Variants in DCDC1 observed in about 807,000 individuals in gnomAD.
DCDC1 encodes the protein doublecortin domain-containing protein 1.
DCDC1 carries 200 observed loss-of-function variants against 178.3 expected under a neutral mutation model. That is an observed-to-expected ratio of 1.12 (90% CI 1.00 to 1.26). The LOEUF (loss-of-function observed/expected upper bound fraction) is 1.26, where lower values mean the gene tolerates loss of function less well. Ranked by LOEUF, DCDC1 falls within the 50% of genes most tolerant of loss-of-function variation. DCDC1 has a pLI of 0.00. For synonymous variants in DCDC1, 690 were observed against 604.8 expected (o/e 1.14, Z -2.07); for missense variants, 1,983 against 1,749.2 (o/e 1.13, Z -2.38).
intron 1 of DCDC1, among the ~76,000 whole-genome samples, chr11:31,358,099 T>C (rs1238834649): frequency 4.7e-5 from 7 of 150,348 alleles, no homozygotes; most frequent in African/African-American, 1.7e-4. Context: ...TTAAAGTTCA[T>C]ATGGAACCAA....
chr11:31,103,673 A>ACCT lies in DCDC1; in HGVS notation c.1847_1848insAGG (p.Pro616_Asn617insGly). 1 of 765,184 alleles carries ACCT rather than the reference A, an allele frequency of 1.3e-6. No homozygotes were observed. Among genetic ancestry groups the ACCT allele is most frequent in the Non-Finnish European group, 2.4e-6 (1 of 417,518 alleles). 47.4% of individuals were successfully genotyped at this position (765,184 alleles called of 1,614,324 possible). ...CACATCCAGGTAGCAGAACAGCATT[A>ACCT]GGATCCAAAAAGGTCTTATATGCAA... On this transcript the variant is annotated inframe_insertion, in exon 14 of 39. Coordinates refer to ENST00000684477, the MANE Select transcript of DCDC1 (RefSeq NM_001387274.1).
At chr11:31,082,419 A>G (rs1356641026) in intron 17 of DCDC1, among the ~76,000 whole-genome samples, 3 of 152,130 alleles carry the variant, frequency 2.0e-5, no homozygotes, top group East Asian at 1.9e-4. Context: ...ATGACTTCCA[A>G]GTGTTCTCAT....
intron 11 of DCDC1, among the ~76,000 whole-genome samples, chr11:31,116,164 C>T (rs1959924144): frequency 6.6e-6 from 1 of 151,860 alleles, no homozygotes; most frequent in African/African-American, 2.4e-5. Flanking sequence ...TTCACCAAGG[C>T]ACATCTACTC....
chr11:30,953,370 T>TG (rs535427992), intron 20 of DCDC1, among the ~76,000 whole-genome samples: 51 of 150,236 alleles, frequency 3.4e-4, no homozygotes, highest in African/African-American at 1.1e-3. Context: ...TCATACCAGA[T>TG]GGGGGGGAAA....
intron 20 of DCDC1, among the ~76,000 whole-genome samples, chr11:30,984,402 C>G (rs1035940497): frequency 6.6e-6 from 1 of 152,126 alleles, no homozygotes; most frequent in African/African-American, 2.4e-5. Flanking sequence ...ACAGGTTTTT[C>G]TCTCACAAAA....
chr11:31,022,387 C>T (rs1382757196), intron 20 of DCDC1, among the ~76,000 whole-genome samples: 1 of 152,012 alleles, frequency 6.6e-6, no homozygotes, highest in Non-Finnish European at 1.5e-5. Flanking sequence ...TCAAAGGACA[C>T]CAGTCGTATT....
chr11:30,888,032 G>GAAAGAAAGAAAGAAAGAAAGAA (rs1313906571), intron 36 of DCDC1, among the ~76,000 whole-genome samples: 1 of 111,438 alleles, frequency 9.0e-6, no homozygotes, highest in African/African-American at 3.8e-5. Context: ...GAGAGAGAGA[G>GAAAGAAAGAAAGAAAGAAAGAA]AGAAAGAAAG....
At chr11:30,919,732 A>T (rs1228425846) in intron 25 of DCDC1, among the ~76,000 whole-genome samples, 1 of 152,232 alleles carries the variant, frequency 6.6e-6, no homozygotes, top group African/African-American at 2.4e-5. Flanking sequence ...AAACGTTCAT[A>T]TTCTTATAAT....
At chr11:31,309,982 T>C (rs945575433) in intron 3 of DCDC1, among the ~76,000 whole-genome samples, 2 of 152,326 alleles carry the variant, frequency 1.3e-5, no homozygotes, top group South Asian at 2.1e-4. Flanking sequence ...CATTTTTGTT[T>C]GTCACACACA....
intron 32 of DCDC1, among the ~76,000 whole-genome samples, chr11:30,900,702 A>G (rs1351596537): frequency 6.6e-6 from 1 of 152,112 alleles, no homozygotes; most frequent in Non-Finnish European, 1.5e-5. Context: ...GATTGTAAAT[A>G]TGTTTTAATT....
chr11:31,190,603 T>G (rs1473486934), intron 9 of DCDC1, among the ~76,000 whole-genome samples: 1 of 152,112 alleles, frequency 6.6e-6, no homozygotes. Context: ...TGATACACAG[T>G]GCCAAATCAC....
intron 9 of DCDC1, among the ~76,000 whole-genome samples, chr11:31,217,038 A>C (rs977695605): frequency 2.0e-5 from 3 of 152,182 alleles, no homozygotes; most frequent in African/African-American, 7.2e-5. Flanking sequence ...ATGGGGTGAA[A>C]AGGGCAATAA....
chr11:31,134,096 C>T (rs1238873615), intron 10 of DCDC1, among the ~76,000 whole-genome samples: 1 of 152,146 alleles, frequency 6.6e-6, no homozygotes, highest in African/African-American at 2.4e-5. Context: ...CCAGAGGTAC[C>T]TTATGTGCTG....
intron 23 of DCDC1, among the ~76,000 whole-genome samples, chr11:30,924,339 T>G (rs2134265625): frequency 6.6e-6 from 1 of 152,322 alleles, no homozygotes; most frequent in East Asian, 1.9e-4. Flanking sequence ...ATGTTGGCCA[T>G]TGATACTTCT....
At chr11:31,213,102 T>TCTCTCTTTCTCTCTCTCTC (rs1972866236) in intron 9 of DCDC1, among the ~76,000 whole-genome samples, 6 of 13,012 alleles carry the variant, frequency 4.6e-4, no homozygotes, top group Admixed American at 2.4e-3. Context: ...AAGCCCAGCC[T>TCTCTCTTTCTCTCTCTCTC]CTCTCTCTCT....
At chr11:31,037,428 CTTTCTT>C (rs1565207587) in intron 20 of DCDC1, among the ~76,000 whole-genome samples, 7 of 44,856 alleles carry the variant, frequency 1.6e-4, no homozygotes, top group Admixed American at 4.4e-4. Flanking sequence ...CTAAATATTT[CTTTCTT>C]TTTTTTTTTT....
chr11:31,142,366 G>A (rs182156554), intron 9 of DCDC1, among the ~76,000 whole-genome samples: 18 of 152,256 alleles, frequency 1.2e-4, no homozygotes, highest in African/African-American at 3.4e-4. Context: ...AAGTTTGAAT[G>A]TATAAAATCA....
chr11:31,147,530 A>G (rs542600274), intron 9 of DCDC1, among the ~76,000 whole-genome samples: 2 of 152,330 alleles, frequency 1.3e-5, no homozygotes, highest in Non-Finnish European at 2.9e-5. Context: ...CTGATAATTT[A>G]AAAATCATTA....
chr11:30,902,693 G>A (rs1166143113), intron 32 of DCDC1, among the ~76,000 whole-genome samples: 1 of 152,124 alleles, frequency 6.6e-6, no homozygotes, highest in African/African-American at 2.4e-5. Context: ...CAAGGCCATT[G>A]AGCTAGCAAG....
Sources: gnomAD v4.1 joint callset for allele counts (sites outside exome capture counted in the v4.1 genomes callset) on GRCh38, gnomAD v4.1.1 for gene constraint, MANE v1.5 for transcripts, NCBI Gene and HGNC (gene_info 2026-07-23, HGNC 2026-07-21) for gene names.